Variants in IMMP2L observed in about 807,000 individuals in gnomAD.
IMMP2L encodes the protein mitochondrial inner membrane protease subunit 2.
A neutral mutation model predicts 19.3 loss-of-function variants in IMMP2L; 18 were observed. The ratio of observed to expected loss-of-function variants is 0.93; its 90% CI spans 0.64 to 1.38. The LOEUF is 1.38. IMMP2L is among the 40% of genes most tolerant of loss of function. The pLI is 0.00. For missense variants in IMMP2L, 233 were observed against 218.2 expected (o/e 1.07, Z -0.43); for synonymous variants, 76 against 73.0 (o/e 1.04, Z -0.21).
chr7:110,802,353 G>A (rs1413035338), intron 5 of IMMP2L, among the ~76,000 whole-genome samples: 1 of 144,152 alleles, frequency 6.9e-6, no homozygotes, highest in Non-Finnish European at 1.5e-5. Flanking sequence ...GTGTGTGTGT[G>A]TGTGTGTGTG....
At chr7:111,297,360 C>G (rs558231165) in intron 3 of IMMP2L, among the ~76,000 whole-genome samples, 1 of 152,022 alleles carries the variant, frequency 6.6e-6, no homozygotes, top group Non-Finnish European at 1.5e-5. Flanking sequence ...ATTATTTTTG[C>G]AACTATGACT....
intron 3 of IMMP2L, among the ~76,000 whole-genome samples, chr7:111,286,308 T>C (rs911492043): frequency 1.7e-4 from 26 of 152,270 alleles, no homozygotes; most frequent in African/African-American, 5.8e-4. Context: ...CTTTCTCCTA[T>C]GGTTGTTCAT....
intron 1 of IMMP2L, among the ~76,000 whole-genome samples, chr7:111,539,214 GAAAGAAAGAAAGAAAGAAAGAA>G (rs1848262313): frequency 2.1e-5 from 2 of 94,924 alleles, no homozygotes; most frequent in African/African-American, 9.0e-5. Context: ...AAGAAAGAAA[GAAAGAAAGAAAGAAAGAAAGAA>G]AGAAAGAAAG....
intron 3 of IMMP2L, among the ~76,000 whole-genome samples, chr7:110,994,544 C>T (rs920640256): frequency 1.3e-5 from 2 of 152,098 alleles, no homozygotes; most frequent in Non-Finnish European, 2.9e-5. Flanking sequence ...TCTCTTTGAC[C>T]ATACTGATGC....
At chr7:110,814,664 G>T (rs897237158) in intron 5 of IMMP2L, among the ~76,000 whole-genome samples, 5 of 148,016 alleles carry the variant, frequency 3.4e-5, no homozygotes, top group East Asian at 2.0e-4. Context: ...GCTCAGAGTA[G>T]AATTCTTTTT....
intron 5 of IMMP2L, among the ~76,000 whole-genome samples, chr7:110,768,640 T>A (rs1798830240): frequency 6.6e-6 from 1 of 152,140 alleles, no homozygotes; most frequent in Non-Finnish European, 1.5e-5. Context: ...AATGCCTCCC[T>A]CCCGGGCCAG....
At chr7:111,493,437 T>A (rs1053928269) in intron 2 of IMMP2L, among the ~76,000 whole-genome samples, 5 of 152,116 alleles carry the variant, frequency 3.3e-5, no homozygotes, top group African/African-American at 1.2e-4. Flanking sequence ...GCGCAGTGGC[T>A]CACGCCTGTA....
rs1809171635 is a variant in IMMP2L, at chr7:110,877,236, A to T, written c.408+9357T>A. On this transcript the variant is annotated intron_variant, in intron 5 of 5. Coordinates refer to ENST00000405709, the MANE Select transcript of IMMP2L (RefSeq NM_032549.4). This position sits in a 1 kb window ranked among gnomAD's most constrained non-coding sequence, Gnocchi z 4.0. ...CTTTGCTGTGCAGAAATTGGCCATT[A>T]GCTGTGTCATGAAACAGCTGTTAAA... 6.6e-6 allele frequency among the ~76,000 whole-genome samples: 1 copy of T among 152,174 alleles called. No homozygotes were observed. The highest frequency in any genetic ancestry group is 2.4e-5 in the African/African-American group (1 of 41,454).
At chr7:111,269,731 T>G (rs1258299406) in intron 3 of IMMP2L, among the ~76,000 whole-genome samples, 1 of 152,168 alleles carries the variant, frequency 6.6e-6, no homozygotes, top group East Asian at 1.9e-4. Flanking sequence ...ATTATGTGTT[T>G]AAATCCAGTT....
intron 5 of IMMP2L, among the ~76,000 whole-genome samples, chr7:110,684,227 T>C (rs561703119): frequency 6.6e-6 from 1 of 152,202 alleles, no homozygotes; most frequent in South Asian, 2.1e-4. Context: ...GAGCAGTTTA[T>C]TTACAAAAAT....
chr7:110,696,080 T>C (rs144433776), intron 5 of IMMP2L, among the ~76,000 whole-genome samples: 2 of 152,272 alleles, frequency 1.3e-5, no homozygotes, highest in East Asian at 3.9e-4. Flanking sequence ...CATCTCTTAC[T>C]GAGTGATTGC....
intron 3 of IMMP2L, among the ~76,000 whole-genome samples, chr7:111,090,735 C>T (rs769419948): frequency 1.3e-5 from 2 of 152,076 alleles, no homozygotes; most frequent in African/African-American, 2.4e-5. Flanking sequence ...GCAGTCATTG[C>T]TGAACTTCAG....
At chr7:110,716,439 T>C (rs1280841935) in intron 5 of IMMP2L, among the ~76,000 whole-genome samples, 1 of 152,156 alleles carries the variant, frequency 6.6e-6, no homozygotes, top group East Asian at 1.9e-4. Context: ...CAGGTATCTT[T>C]CTTTTTGTTT....
chr7:111,417,071 T>C (rs1057395875), intron 3 of IMMP2L, among the ~76,000 whole-genome samples: 2 of 151,908 alleles, frequency 1.3e-5, no homozygotes, highest in South Asian at 4.2e-4. Context: ...AACTACCATA[T>C]TAGGTAGCAC....
intron 5 of IMMP2L, among the ~76,000 whole-genome samples, chr7:110,678,727 C>T (rs1044909774): frequency 1.8e-4 from 28 of 152,128 alleles, no homozygotes; most frequent in African/African-American, 5.8e-4. Context: ...TCAAAGTTAG[C>T]TCTAAAGGAT....
chr7:110,799,419 A>G (rs1378984053), intron 5 of IMMP2L, among the ~76,000 whole-genome samples: 1 of 152,026 alleles, frequency 6.6e-6, no homozygotes, highest in African/African-American at 2.4e-5. Flanking sequence ...TTGTAGACTA[A>G]TTGACTGAGT....
intron 2 of IMMP2L, among the ~76,000 whole-genome samples, chr7:111,505,268 A>C (rs1170766106): frequency 1.0e-3 from 151 of 151,240 alleles, no homozygotes; most frequent in African/African-American, 3.4e-3. Context: ...TCAAAACCAC[A>C]ATGAGATACC....
intron 3 of IMMP2L, among the ~76,000 whole-genome samples, chr7:111,450,623 C>T (rs551163661): frequency 0.013 from 1,931 of 148,548 alleles, 44 homozygotes; most frequent in African/African-American, 0.046. Flanking sequence ...AAAACCTAGG[C>T]ATTACCATTC....
intron 5 of IMMP2L, among the ~76,000 whole-genome samples, chr7:110,858,836 G>T (rs1807082614): frequency 6.6e-6 from 1 of 151,692 alleles, no homozygotes. Context: ...TCCCACCTGT[G>T]AGTGAGAACA....
Sources: gnomAD v4.1 joint callset for allele counts (sites outside exome capture counted in the v4.1 genomes callset) on GRCh38, gnomAD v4.1.1 for gene constraint, Gnocchi (gnomAD v3.1) non-coding constraint, MANE v1.5 for transcripts, NCBI Gene and HGNC (gene_info 2026-07-23, HGNC 2026-07-21) for gene names.